ANOS1: variants seen among roughly 807,000 people sequenced by gnomAD.
ANOS1 encodes anosmin 1.
ANOS1 carries 6 observed loss-of-function variants against 59.0 expected under a neutral mutation model. The ratio of observed to expected loss-of-function variants is 0.10; its 90% CI spans 0.06 to 0.20. The LOEUF (loss-of-function observed/expected upper bound fraction) is 0.20. Ranked by LOEUF, ANOS1 falls within the 10% of genes least tolerant of loss-of-function variation. ANOS1 has a pLI of 1.00. For missense variants in ANOS1, 433 were observed against 542.3 expected, an observed-to-expected ratio of 0.80 and a Z score of 2.00; for synonymous variants, 217 against 223.4, an observed-to-expected ratio of 0.97 and a Z score of 0.25.
At chrX:8,557,035 C>A (rs1929961005) in intron 8 of ANOS1, among the ~76,000 whole-genome samples, 1 of 111,220 alleles carries the variant, frequency 9.0e-6, no homozygotes. Flanking sequence ...ACATCTACAA[C>A]CATCTGATCT....
Position 8,691,499 on chromosome X carries a change from A to AGATGGATG in ANOS1, c.255+8191_255+8198dup, listed in dbSNP as rs747847381. On this transcript the variant is annotated intron_variant, in intron 2 of 13. Coordinates refer to ENST00000262648, the MANE Select transcript of ANOS1 (RefSeq NM_000216.4). Reference sequence around the variant, plus strand: ...AGACAGATAAATGATAGACAGATTAAGATGGATGGATGGATGGATGGATGG... The same window carrying AGATGGATG: ...AGACAGATAAATGATAGACAGATTAAGATGGATGGATGGATGGATGGATGGATGGATGG... Among the ~76,000 whole-genome samples, 982 of 110,981 alleles carry AGATGGATG rather than the reference A, an allele frequency of 8.8e-3. 12 individuals carry two copies. Among genetic ancestry groups the AGATGGATG allele is most frequent in the African/African-American group, 0.031 (935 of 30,235 alleles).
chrX:8,623,023 GGATGGAT>G (rs1931321273), intron 3 of ANOS1, among the ~76,000 whole-genome samples: 1 of 87,602 alleles, frequency 1.1e-5, no homozygotes, highest in Non-Finnish European at 2.3e-5. Context: ...CTGGATGGAT[GGATGGAT>G]GATGGATGGA....
At chrX:8,538,429 G>A (rs763238559) in intron 10 of ANOS1, among the ~76,000 whole-genome samples, 1 of 111,774 alleles carries the variant, frequency 8.9e-6, no homozygotes, top group South Asian at 3.8e-4. Context: ...AATTTTTCAG[G>A]AGTTTGATTT....
intron 1 of ANOS1, among the ~76,000 whole-genome samples, chrX:8,726,310 A>T (rs1160783455): frequency 9.0e-6 from 1 of 111,490 alleles, no homozygotes; most frequent in Non-Finnish European, 1.9e-5. Context: ...AGAGCCTCTG[A>T]TCTCTAATCA....
intron 2 of ANOS1, among the ~76,000 whole-genome samples, chrX:8,633,910 C>T (rs920222883): frequency 1.4e-4 from 16 of 112,149 alleles, no homozygotes; most frequent in African/African-American, 4.8e-4. Context: ...TACATGACAA[C>T]AAATGCCACA....
chrX:8,666,212 A>C (rs766367301), intron 2 of ANOS1, among the ~76,000 whole-genome samples: 3 of 110,991 alleles, frequency 2.7e-5, no homozygotes, highest in Admixed American at 9.7e-5. Context: ...CAAATATGAT[A>C]CTAATAAAAG....
intron 2 of ANOS1, among the ~76,000 whole-genome samples, chrX:8,660,924 C>T (rs1932026727): frequency 8.9e-6 from 1 of 111,913 alleles, no homozygotes; most frequent in Admixed American, 9.5e-5. Flanking sequence ...TACAGCAGTA[C>T]ACAGAGCAGC....
intron 2 of ANOS1, among the ~76,000 whole-genome samples, chrX:8,638,309 T>C (rs1470527868): frequency 8.9e-6 from 1 of 112,443 alleles, no homozygotes; most frequent in Admixed American, 9.4e-5. Context: ...ACTTTTCTGA[T>C]TATCTATTGT....
At chrX:8,657,369 T>C (rs1249086187) in intron 2 of ANOS1, among the ~76,000 whole-genome samples, 1 of 111,780 alleles carries the variant, frequency 8.9e-6, no homozygotes, top group Non-Finnish European at 1.9e-5. Context: ...GGGGTATTTT[T>C]AGCAAATTGT....
Position 8,529,989 on chromosome X carries a change from A to G in ANOS1, c.*3006T>C, listed in dbSNP as rs1321608916. The G allele has an allele frequency of 8.9e-6, 1 of 112,015 alleles. No homozygotes were observed. Among genetic ancestry groups the G allele is most frequent in the Non-Finnish European group, 1.9e-5 (1 of 53,235 alleles). The allele number at this position is 112,015 out of a possible 1,213,427, so 9.2% of individuals were successfully genotyped here. ...CGGCTATGTATCTAAGGTTTTCAGG[A>G]CACAGATGTATTTCTAATCTTTGAA... On this transcript the variant is annotated 3_prime_UTR_variant, in exon 14 of 14. Coordinates refer to ENST00000262648, the MANE Select transcript of ANOS1 (RefSeq NM_000216.4).
At chrX:8,658,272 T>A (rs1305025773) in intron 2 of ANOS1, among the ~76,000 whole-genome samples, 2 of 111,721 alleles carry the variant, frequency 1.8e-5, no homozygotes, top group African/African-American at 6.5e-5. Flanking sequence ...AACCTCCCTG[T>A]TGGACACGGC....
At chrX:8,718,785 G>A (rs1226510963) in intron 1 of ANOS1, among the ~76,000 whole-genome samples, 2 of 111,613 alleles carry the variant, frequency 1.8e-5, no homozygotes, top group East Asian at 2.8e-4. Context: ...GCACAATTAC[G>A]CCTCTAGGTG....
At chrX:8,730,586 C>A (rs942962175) in intron 1 of ANOS1, among the ~76,000 whole-genome samples, 3 of 99,501 alleles carry the variant, frequency 3.0e-5, no homozygotes, top group Admixed American at 2.1e-4. Context: ...GGGGACCCCC[C>A]CCCCCACCCC....
chrX:8,567,120 C>T (rs756797069), intron 8 of ANOS1, among the ~76,000 whole-genome samples: 3 of 111,965 alleles, frequency 2.7e-5, no homozygotes, highest in Admixed American at 1.9e-4. Context: ...TAACCGGTAT[C>T]GACGTTTGAA....
chrX:8,562,712 A>G (rs1930052710), intron 8 of ANOS1, among the ~76,000 whole-genome samples: 1 of 111,801 alleles, frequency 8.9e-6, no homozygotes, highest in African/African-American at 3.2e-5. Context: ...CAAACTTGAA[A>G]ATATTCCTCC....
At chrX:8,565,817 C>T (rs769577429) in intron 8 of ANOS1, 237 of 130,331 alleles carry the variant, frequency 1.8e-3, no homozygotes, top group Non-Finnish European at 2.8e-3. Flanking sequence ...TGTGTTTGAA[C>T]GTTTTATTTG....
chrX:8,596,912 A>G, intron 4 of ANOS1, 122 bp downstream of exon 4: 3 of 1,077,255 alleles, frequency 2.8e-6, no homozygotes, highest in Non-Finnish European at 3.8e-6. Flanking sequence ...GGTATAAAAT[A>G]AATTTTCTAA....
rs1479133345 is a variant in ANOS1, at chrX:8,533,070, T to A, written c.1985-17A>T. The A allele has an allele frequency of 9.8e-7, 1 of 1,016,157 alleles. No individual in the cohort carries two copies. Among genetic ancestry groups the A allele is most frequent in the Non-Finnish European group, 1.4e-6 (1 of 717,584 alleles). The allele number at this position is 1,016,157 out of a possible 1,213,427, so 83.7% of individuals were successfully genotyped here. On this transcript the variant is annotated splice_polypyrimidine_tract_variant and intron_variant, in intron 13 of 13. Transcript: ENST00000262648. ...GATGAGATCCTAAAAAGTGACAAAA[T>A]ATGTCAGTCACATCCATTTGTATGT...
rs1932838108 is a variant in ANOS1 at position 8,715,702 on chromosome X, C to G, written c.208-15957G>C. On this transcript the variant is annotated intron_variant, in intron 1 of 13. Coordinates refer to ENST00000262648, the MANE Select transcript of ANOS1 (RefSeq NM_000216.4). ...AAATTAAAAAATTAAGTTTTTAAAT[C>G]TCTTTTGGAAGTGGAGGGGTCTCTC... 1.8e-5 allele frequency among the ~76,000 whole-genome samples: 2 copies of G among 111,227 alleles called. 1 individual carries two copies. The highest frequency in any genetic ancestry group is 3.8e-5 in the Non-Finnish European group (2 of 53,131).
Sources: gnomAD v4.1 joint callset for allele counts (sites outside exome capture counted in the v4.1 genomes callset) on GRCh38, gnomAD v4.1.1 for gene constraint, MANE v1.5 for transcripts, NCBI Gene and HGNC (gene_info 2026-07-23, HGNC 2026-07-21) for gene names.